Variants in VPS26C observed in about 807,000 individuals in gnomAD.
VPS26C encodes VPS26 endosomal protein sorting factor C.
A neutral mutation model predicts 30.6 loss-of-function variants in VPS26C; 19 were observed. The observed-to-expected ratio is 0.62, with a 90% CI of 0.43 to 0.91. VPS26C has a LOEUF of 0.91. Among genes scored for constraint, VPS26C ranks in the 40% least tolerant of loss-of-function variants. The pLI is 0.00. For missense variants in VPS26C, 318 were observed against 385.1 expected (o/e 0.83, Z 1.46); for synonymous variants, 132 against 151.5 (o/e 0.87, Z 0.95).
In VPS26C at chr21:37,228,458, C is replaced by T. The variant is rs534935344; in HGVS notation, c.508-85G>A. ...CTTTGGTGCAAATAAAACCTGGAAGCGAAGTTGGATAGTGGTTACACAGTC... is the reference window on the plus strand; with the variant it reads ...CTTTGGTGCAAATAAAACCTGGAAGTGAAGTTGGATAGTGGTTACACAGTC... On this transcript the variant is annotated intron_variant, in intron 5 of 7. Transcript: ENST00000309117. 84 of 1,491,968 alleles carry T rather than the reference C, an allele frequency of 5.6e-5. 1 individual carries two copies. Among genetic ancestry groups the T allele is most frequent in the African/African-American group, 5.1e-4 (37 of 72,550 alleles). 92.4% of individuals were successfully genotyped at this position (1,491,968 alleles called of 1,614,324 possible).
chr21:37,236,805 A>G (rs1023477519), intron 3 of VPS26C, among the ~76,000 whole-genome samples: 2 of 152,000 alleles, frequency 1.3e-5, no homozygotes, highest in Non-Finnish European at 2.9e-5. Flanking sequence ...CTCAAATGGT[A>G]AAATCTGATG....
At chr21:37,246,947 G>A (rs2086143476) in intron 1 of VPS26C, among the ~76,000 whole-genome samples, 1 of 152,130 alleles carries the variant, frequency 6.6e-6, no homozygotes, top group African/African-American at 2.4e-5. Flanking sequence ...TTGTAGAGAT[G>A]GGGTTTTGCT....
At chr21:37,267,517 T>C (rs1192414114), upstream of VPS26C, 3 of 578,030 alleles carry the variant, frequency 5.2e-6, no homozygotes, top group East Asian at 3.0e-5. Flanking sequence ...GCCGAAGCGC[T>C]GTCACGGTTC....
chr21:37,249,672 A>G (rs1169804006), intron 1 of VPS26C, among the ~76,000 whole-genome samples: 2 of 152,228 alleles, frequency 1.3e-5, no homozygotes, highest in African/African-American at 4.8e-5. Flanking sequence ...TTAAAAGAAA[A>G]TAACACCACA....
intron 1 of VPS26C, among the ~76,000 whole-genome samples, chr21:37,258,359 T>C (rs201604567): frequency 1.5e-5 from 1 of 68,460 alleles, no homozygotes; most frequent in Non-Finnish European, 3.4e-5. Context: ...CCGCAACCCC[T>C]CTTTTCAGTG....
At chr21:37,256,382 C>G (rs769630681) in intron 1 of VPS26C, among the ~76,000 whole-genome samples, 1 of 152,210 alleles carries the variant, frequency 6.6e-6, no homozygotes, top group Non-Finnish European at 1.5e-5. Flanking sequence ...TAAAGTAGAA[C>G]AGCTCTGCTT....
intron 1 of VPS26C, among the ~76,000 whole-genome samples, chr21:37,255,730 C>T (rs937382496): frequency 6.6e-6 from 1 of 152,114 alleles, no homozygotes; most frequent in Admixed American, 6.5e-5. Flanking sequence ...GTAAATTCTC[C>T]AGGAGGAAAA....
chr21:37,234,072 T>C (rs1358715626), intron 3 of VPS26C, among the ~76,000 whole-genome samples: 1 of 152,190 alleles, frequency 6.6e-6, no homozygotes, highest in East Asian at 1.9e-4. Context: ...CTGCTCTGAG[T>C]GCATAGCACT....
In VPS26C at chr21:37,267,263, C is replaced by T. The variant is rs1206124066; in HGVS notation, c.32G>A (p.Arg11Lys). ...CCCGGCGTGATAAACTTTATTCGCTCTTTTAATCTTGATGTCCAGGGCGGT... is the reference window on the plus strand; with the variant it reads ...CCCGGCGTGATAAACTTTATTCGCTTTTTTAATCTTGATGTCCAGGGCGGT... MGTALDIKIK[R>K]ANKVYHAGEV... Residue 11 changes from arginine to lysine, a missense_variant, in exon 1 of 8, where the codon AGA becomes AAA. Transcript: ENST00000309117. The T allele has an allele frequency of 1.4e-6, 2 of 1,476,944 alleles. No homozygotes were observed. The highest frequency in any genetic ancestry group is 1.8e-6 in the Non-Finnish European group (2 of 1,094,260). The allele number at this position is 1,476,944 out of a possible 1,614,324, so 91.5% of individuals were successfully genotyped here.
chr21:37,266,387 G>A (rs2086362023), intron 1 of VPS26C, among the ~76,000 whole-genome samples: 2 of 152,240 alleles, frequency 1.3e-5, no homozygotes, highest in Middle Eastern at 6.8e-3. Flanking sequence ...ACCAACCACT[G>A]CGATCAATTT....
Position 37,241,898 on chromosome 21 carries a change from C to T in VPS26C, c.58-1259G>A. On this transcript the variant is annotated intron_variant, in intron 1 of 7. Coordinates refer to ENST00000309117, the MANE Select transcript of VPS26C (RefSeq NM_006052.2). ...ACATCTGTCCTACTGGTGTTTAAAT[C>T]TGCTTATCTTTTATTTCTTCTAGTT... 1.3e-5 allele frequency among the ~76,000 whole-genome samples: 2 copies of T among 152,222 alleles called. 1 individual carries two copies. The highest frequency in any genetic ancestry group is 2.9e-5 in the Non-Finnish European group (2 of 68,040).
intron 1 of VPS26C, among the ~76,000 whole-genome samples, chr21:37,241,310 T>A (rs938772510): frequency 4.6e-5 from 7 of 152,158 alleles, no homozygotes; most frequent in Admixed American, 2.0e-4. Context: ...ATCGAGAGAC[T>A]TCACAACAGA....
chr21:37,267,381 G>C (rs1212994678), upstream of VPS26C: 2 of 1,231,088 alleles, frequency 1.6e-6, no homozygotes, highest in African/African-American at 3.0e-5. Flanking sequence ...TCTGGGCCCC[G>C]CCCCTTTCCC....
intron 5 of VPS26C, among the ~76,000 whole-genome samples, chr21:37,231,079 C>A (rs1213882171): frequency 6.6e-6 from 1 of 152,188 alleles, no homozygotes; most frequent in Non-Finnish European, 1.5e-5. Flanking sequence ...GTGCTGAGGA[C>A]CAGGAGAACA....
At chr21:37,265,326 G>A (rs139552604) in intron 1 of VPS26C, among the ~76,000 whole-genome samples, 1 of 152,262 alleles carries the variant, frequency 6.6e-6, no homozygotes, top group African/African-American at 2.4e-5. Context: ...ATACAAAGTA[G>A]ACCCATGTAG....
rs1403744958 is a variant in VPS26C, at chr21:37,257,526, TGCA to T, written c.57+9709_57+9711del. On this transcript the variant is annotated intron_variant, in intron 1 of 7. Transcript: ENST00000309117. The surrounding 1 kb of genome is among the most constrained non-coding windows in gnomAD (Gnocchi z 4.2). ...GGGTTGGGGTGGGGGTGTAGCCACA[TGCA>T]GTAAAAGCACTGCCTGTCTGTATAA... Among the ~76,000 whole-genome samples, 3 of 152,210 alleles carry T rather than the reference TGCA, an allele frequency of 2.0e-5. No homozygotes were observed. Among genetic ancestry groups the T allele is most frequent in the African/African-American group, 7.2e-5 (3 of 41,444 alleles).
intron 3 of VPS26C, among the ~76,000 whole-genome samples, chr21:37,235,875 A>AT (rs1204522798): frequency 2.7e-4 from 4 of 15,076 alleles, no homozygotes; most frequent in South Asian, 1.3e-3. Context: ...ATATATATAT[A>AT]TATATTTTTT....
At chr21:37,262,963 C>T (rs769310391) in intron 1 of VPS26C, among the ~76,000 whole-genome samples, 1 of 151,990 alleles carries the variant, frequency 6.6e-6, no homozygotes, top group Non-Finnish European at 1.5e-5. Context: ...TGAGGTTTCG[C>T]CACGTTGGCC....
intron 7 of VPS26C, 107 bp from the exon 8 acceptor site, chr21:37,225,733 G>A (rs918062163): frequency 4.0e-5 from 36 of 905,914 alleles, no homozygotes; most frequent in African/African-American, 8.2e-5. Context: ...AGGAGCACCC[G>A]GTGCGGGTGG....
Sources: gnomAD v4.1 joint callset for allele counts (sites outside exome capture counted in the v4.1 genomes callset) on GRCh38, gnomAD v4.1.1 for gene constraint, Gnocchi (gnomAD v3.1) non-coding constraint, MANE v1.5 for transcripts, NCBI Gene and HGNC (gene_info 2026-07-23, HGNC 2026-07-21) for gene names.